The following ACSS3 variants were observed in gnomAD, a reference collection of about 807,000 sequenced individuals.
ACSS3 encodes the protein acyl-CoA synthetase short-chain family member 3, mitochondrial.
In ACSS3, 64 loss-of-function variants were observed where a neutral mutation model predicts 84.2. The ratio of observed to expected loss-of-function variants is 0.76; its 90% CI spans 0.62 to 0.94. The LOEUF is 0.94. Among genes scored for constraint, ACSS3 ranks in the 40% least tolerant of loss-of-function variants. The pLI, the probability that ACSS3 is intolerant of heterozygous loss-of-function variation, is 0.00. For missense variants in ACSS3, 815 were observed against 867.6 expected, an observed-to-expected ratio of 0.94 and a Z score of 0.76; for synonymous variants, 317 against 310.1, an observed-to-expected ratio of 1.02 and a Z score of -0.23.
chr12:81,140,838 G>A (rs899569353), intron 4 of ACSS3, among the ~76,000 whole-genome samples: 3 of 152,180 alleles, frequency 2.0e-5, no homozygotes, highest in African/African-American at 7.2e-5. Flanking sequence ...TATACTTACA[G>A]TATATAAGTG....
rs376726521 is a variant in ACSS3, at chr12:81,253,321, T to C, written c.1734T>C (p.His578=). The C allele has an allele frequency of 1.2e-5, 20 of 1,613,738 alleles. No individual in the cohort carries two copies. The African/African-American group carries it at 2.4e-4, about 19-fold the overall frequency. The change falls in exon 14 of 16, where the codon CAT becomes CAC. Residue 578 remains histidine, a synonymous_variant. Transcript: ENST00000548058. ...CCTTATTACAGTCAATCCTTTCCCATGGTACCGTGGCAGACTGTGCTGTTG... is the reference window on the plus strand; with the variant it reads ...CCTTATTACAGTCAATCCTTTCCCACGGTACCGTGGCAGACTGTGCTGTTG... The part of the protein sequence containing the change: ...AGAIEESILS[H]GTVADCAVVG...
intron 13 of ACSS3, among the ~76,000 whole-genome samples, chr12:81,245,512 A>T (rs1234934554): frequency 6.6e-6 from 1 of 152,070 alleles, no homozygotes; most frequent in Non-Finnish European, 1.5e-5. Context: ...CTGGAATTGG[A>T]TATTTCCTTT....
At chr12:81,137,662 T>C (rs1885880942) in intron 3 of ACSS3, among the ~76,000 whole-genome samples, 2 of 152,212 alleles carry the variant, frequency 1.3e-5, no homozygotes, top group Non-Finnish European at 2.9e-5. Context: ...AATTATTTTT[T>C]CAGAGGAAGA....
rs2032676598 is a variant in ACSS3, at chr12:81,213,515, G to T, written c.1355-3386G>T. 2.0e-5 allele frequency among the ~76,000 whole-genome samples: 3 copies of T among 150,386 alleles called. No homozygotes were observed. In the South Asian group the frequency reaches 6.4e-4, roughly 32 times the overall value. Reference sequence around the variant, plus strand: ...TTAGAGTCCTAGGAACTGCCATTTTGTCTGATTGTATTTTCTACAAGTCAC... The same window carrying T: ...TTAGAGTCCTAGGAACTGCCATTTTTTCTGATTGTATTTTCTACAAGTCAC... On this transcript the variant is annotated intron_variant, in intron 9 of 15. Coordinates refer to ENST00000548058, the MANE Select transcript of ACSS3 (RefSeq NM_024560.4).
intron 11 of ACSS3, among the ~76,000 whole-genome samples, 168 bp downstream of exon 11, chr12:81,220,244 A>G (rs1459813344): frequency 6.6e-6 from 1 of 152,162 alleles, no homozygotes; most frequent in Non-Finnish European, 1.5e-5. Flanking sequence ...TAGAAGCCCC[A>G]TAAAATACGA....
intron 7 of ACSS3, among the ~76,000 whole-genome samples, chr12:81,159,638 T>C (rs999514973): frequency 1.3e-5 from 2 of 152,228 alleles, no homozygotes; most frequent in Non-Finnish European, 2.9e-5. Flanking sequence ...GTGATTCCAA[T>C]AGATCTAACC....
chr12:81,139,179 G>C lies in ACSS3; in HGVS notation c.694G>C (p.Val232Leu). The part of the protein sequence containing the change: ...ASFGIEPGRR[V>L]EYVPLVEEAL... ...ATTTGGCATTGAACCTGGAAGGAGG[G>C]TAGAGTACGTACCACTTGTAGAAGA... Residue 232 changes from valine to leucine, a missense_variant, in exon 4 of 16, where the codon GTA (valine) becomes CTA (leucine). By Grantham distance (32) the Val-to-Leu change is conservative (BLOSUM62 1). Transcript: ENST00000548058. 1.9e-6 allele frequency: 3 copies of C among 1,613,818 alleles called. No individual in the cohort carries two copies. The highest frequency in any genetic ancestry group is 2.5e-6 in the Non-Finnish European group (3 of 1,179,800).
rs2031778544 is a variant in ACSS3 at position 81,195,391 on chromosome 12, T to C, written c.1251-3950T>C. Among the ~76,000 whole-genome samples, 3 of 152,210 alleles carry C rather than the reference T, an allele frequency of 2.0e-5. No individual in the cohort carries two copies. The South Asian group carries it at 6.2e-4, about 32-fold the overall frequency. On this transcript the variant is annotated intron_variant, in intron 8 of 15. Coordinates refer to ENST00000548058, the MANE Select transcript of ACSS3 (RefSeq NM_024560.4). ...TCAACCTCATTTTAAACGTTAAAAC[T>C]TTACACTAATCTTTGTTATACTTTA...
At chr12:81,154,650 C>T (rs1886775656) in intron 7 of ACSS3, among the ~76,000 whole-genome samples, 1 of 152,060 alleles carries the variant, frequency 6.6e-6, no homozygotes, top group Non-Finnish European at 1.5e-5. Flanking sequence ...TCAGTTATTC[C>T]TCATCTCACC....
At chr12:81,208,668 A>C (rs1186449248) in intron 9 of ACSS3, among the ~76,000 whole-genome samples, 4 of 151,440 alleles carry the variant, frequency 2.6e-5, no homozygotes, top group Middle Eastern at 3.4e-3. Context: ...AATCGCCTTT[A>C]CAAAACCCCC....
chr12:81,207,901 T>C (rs900686936), intron 9 of ACSS3, among the ~76,000 whole-genome samples: 2 of 152,102 alleles, frequency 1.3e-5, no homozygotes, highest in Non-Finnish European at 2.9e-5. Flanking sequence ...CAATGTGCTA[T>C]AAGGGAGTAG....
At chr12:81,189,519 T>G (rs2031455147) in intron 8 of ACSS3, among the ~76,000 whole-genome samples, 1 of 152,162 alleles carries the variant, frequency 6.6e-6, no homozygotes. Context: ...TTTTATAACA[T>G]GCTTATTCAA....
Position 81,139,240 on chromosome 12 carries a change from T to C in ACSS3, c.755T>C (p.Ile252Thr), listed in dbSNP as rs774052791. 3.7e-6 allele frequency: 6 copies of C among 1,613,872 alleles called. No individual in the cohort carries two copies. The Admixed American group carries it at 6.7e-5, about 18-fold the overall frequency. The change falls in exon 4 of 16, where the codon ATT becomes ACT. Residue 252 changes from isoleucine (I) to threonine (T), a missense_variant. Physicochemically the swap from Ile to Thr is moderately conservative, Grantham distance 89. Transcript: ENST00000548058. Reference protein sequence around the residue: ...LKIGQHKPDKILIYNRPNMEA... With the variant: ...LKIGQHKPDKTLIYNRPNMEA... ...ATAGGACAACACAAACCAGACAAAA[T>C]TCTCATTTATAATCGTCCAAATATG...
intron 9 of ACSS3, among the ~76,000 whole-genome samples, chr12:81,205,840 A>C (rs902957287): frequency 6.6e-6 from 1 of 152,096 alleles, no homozygotes; most frequent in African/African-American, 2.4e-5. Flanking sequence ...TTATTTTTAC[A>C]CTTTTTAAAA....
intron 1 of ACSS3, among the ~76,000 whole-genome samples, chr12:81,091,119 G>A (rs1160082828): frequency 6.6e-6 from 1 of 151,878 alleles, no homozygotes; most frequent in Non-Finnish European, 1.5e-5. Flanking sequence ...CTGTGCATGT[G>A]TAACCTGTGG....
rs979905443 is a variant in ACSS3 at position 81,149,835 on chromosome 12, A to G, written c.922-2009A>G. 3.2e-4 allele frequency among the ~76,000 whole-genome samples: 48 copies of G among 152,318 alleles called. 1 individual carries two copies. Among genetic ancestry groups the G allele is most frequent in the Admixed American group, 3.1e-3 (48 of 15,310 alleles). Reference sequence around the variant, plus strand: ...GGTAAAATAAAAAGCAATAATTGCTAGAACCAAGGAAATAATATTGTTAAT... The same window carrying G: ...GGTAAAATAAAAAGCAATAATTGCTGGAACCAAGGAAATAATATTGTTAAT... On this transcript the variant is annotated intron_variant, in intron 5 of 15. Coordinates refer to ENST00000548058, the MANE Select transcript of ACSS3 (RefSeq NM_024560.4).
At chr12:81,105,722 T>C (rs1286560321) in intron 1 of ACSS3, among the ~76,000 whole-genome samples, 1 of 152,236 alleles carries the variant, frequency 6.6e-6, no homozygotes, top group Non-Finnish European at 1.5e-5. Flanking sequence ...TATATTCTCC[T>C]TGTAATCTTA....
intron 8 of ACSS3, among the ~76,000 whole-genome samples, chr12:81,191,008 GA>G (rs1343170331): frequency 3.3e-5 from 5 of 151,748 alleles, no homozygotes; most frequent in Admixed American, 1.3e-4. Flanking sequence ...TTTTGTTGAA[GA>G]TTTTTTTTTT....
At chr12:81,113,181 T>C (rs1883748034) in intron 2 of ACSS3, among the ~76,000 whole-genome samples, 1 of 151,944 alleles carries the variant, frequency 6.6e-6, no homozygotes, top group South Asian at 2.1e-4. Flanking sequence ...CGAATAAGGG[T>C]CATGATAGGG....
Sources: allele counts gnomAD v4.1 joint callset (sites outside exome capture counted in the v4.1 genomes callset), GRCh38; gene constraint gnomAD v4.1.1; transcripts MANE v1.5; gene names NCBI Gene and HGNC (gene_info 2026-07-23, HGNC 2026-07-21).